The following CFAP221 variants were observed in gnomAD, a reference collection of about 807,000 sequenced individuals.
CFAP221 encodes cilia and flagella associated protein 221.
In CFAP221, 97 loss-of-function variants were observed where a neutral mutation model predicts 113.1. The ratio of observed to expected loss-of-function variants is 0.86; its 90% confidence interval spans 0.73 to 1.02. The LOEUF (loss-of-function observed/expected upper bound fraction) is 1.02. CFAP221 is among the 50% of genes least tolerant of loss of function. CFAP221 has a pLI of 0.00. For synonymous variants in CFAP221, 331 were observed against 354.4 expected (o/e 0.93, Z 0.74); for missense variants, 1,025 against 1,013.4 (o/e 1.01, Z -0.16).
chr2:119,649,030 G>A (rs1687975059), intron 22 of CFAP221, among the ~76,000 whole-genome samples: 1 of 152,220 alleles, frequency 6.6e-6, no homozygotes, highest in South Asian at 2.1e-4. Flanking sequence ...GTGAGTGAAG[G>A]AAGTGTTCTG....
chr2:119,562,030 T>G lies in CFAP221; in HGVS notation c.443T>G (p.Leu148Arg), dbSNP rs1681278152. The change falls in exon 6 of 24, where the codon CTT (leucine) becomes CGT (arginine). Residue 148 changes from leucine (L) to arginine (R), a missense_variant. Transcript: ENST00000413369. ...TAATTTTAGGGAGATGACACTTTGC[T>G]TGTTCCTATTCATGCCTATCCAGTC... ...RVHCKGDDTLLVPIHAYPVMN... is the reference protein window; with the variant it reads ...RVHCKGDDTLRVPIHAYPVMN... The G allele has an allele frequency of 2.6e-6, 4 of 1,534,470 alleles. No homozygotes were observed. In the South Asian group the frequency reaches 3.6e-5, roughly 14 times the overall value.
In CFAP221 at chr2:119,638,311, C is replaced by T. The variant is rs780710808; in HGVS notation, c.2027C>T (p.Thr676Met). Residue 676 changes from threonine to methionine, a missense_variant, in exon 20 of 24, where the codon ACG becomes ATG. Thr to Met is a moderately conservative substitution (Grantham distance 81). Coordinates refer to ENST00000413369, the MANE Select transcript of CFAP221 (RefSeq NM_001271049.2). The stretch of plus-strand genomic sequence containing the variant: ...ATGCATCCTCTGACCTATGCAGAAA[C>T]GTTGATAGATTACCATCTATGCTCT... ...AVMHPLTYAE[T>M]LIDYHLCSHP... The T allele has an allele frequency of 8.7e-6, 14 of 1,613,914 alleles. No individual in the cohort carries two copies. Among genetic ancestry groups the T allele is most frequent in the Admixed American group, 5.0e-5 (3 of 59,996 alleles).
chr2:119,565,749 C>T (rs897819182), intron 6 of CFAP221, among the ~76,000 whole-genome samples: 16 of 152,180 alleles, frequency 1.1e-4, no homozygotes, highest in Admixed American at 4.6e-4. Flanking sequence ...ATACCCTTAA[C>T]GTAATGGCTT....
At chr2:119,551,098 T>A (rs1457722784) in intron 3 of CFAP221, among the ~76,000 whole-genome samples, 2 of 152,386 alleles carry the variant, frequency 1.3e-5, no homozygotes, top group East Asian at 3.9e-4. Flanking sequence ...TCCCCTTTTA[T>A]GGCTGAACAG....
chr2:119,616,547 C>T (rs1280558143), intron 14 of CFAP221, among the ~76,000 whole-genome samples: 1 of 152,202 alleles, frequency 6.6e-6, no homozygotes, highest in Non-Finnish European at 1.5e-5. Context: ...CCAGTGGCTT[C>T]CTGTTATCAG....
intron 12 of CFAP221, among the ~76,000 whole-genome samples, chr2:119,611,099 G>C (rs1306344491): frequency 6.6e-6 from 1 of 152,122 alleles, no homozygotes; most frequent in African/African-American, 2.4e-5. Context: ...CCACCCAGGA[G>C]AAGGAAGGAA....
intron 23 of CFAP221, 44 bp downstream of exon 23, chr2:119,652,113 G>A (rs1461562461): frequency 2.6e-6 from 4 of 1,511,856 alleles, no homozygotes; most frequent in Non-Finnish European, 3.7e-6. Context: ...AATCTTGGAT[G>A]AAATTTGTTC....
At chr2:119,586,582 T>C (rs533264553) in intron 6 of CFAP221, 13 of 152,434 alleles carry the variant, frequency 8.5e-5, no homozygotes, top group East Asian at 7.7e-4. Context: ...CTTATTTCAA[T>C]CAAACACAGC....
At chr2:119,639,980 A>G (rs1334469399) in intron 21 of CFAP221, 108 bp downstream of exon 21, 41 of 924,464 alleles carry the variant, frequency 4.4e-5, no homozygotes, top group Non-Finnish European at 6.3e-5. Context: ...ATACTTTTAA[A>G]GCATGAGAGA....
intron 6 of CFAP221, among the ~76,000 whole-genome samples, chr2:119,571,875 A>T (rs1050658558): frequency 6.6e-6 from 1 of 152,248 alleles, no homozygotes; most frequent in African/African-American, 2.4e-5. Context: ...TCCCTTTCAC[A>T]TAGAATCAAT....
At chr2:119,617,831 A>G (rs1685631053) in intron 14 of CFAP221, among the ~76,000 whole-genome samples, 1 of 152,118 alleles carries the variant, frequency 6.6e-6, no homozygotes, top group Admixed American at 6.5e-5. Context: ...AAAATACACA[A>G]TTTTTATCAA....
At chr2:119,573,513 A>T (rs1226733385) in intron 6 of CFAP221, 1 of 152,188 alleles carries the variant, frequency 6.6e-6, no homozygotes. Flanking sequence ...CTTTTATTGC[A>T]AATTGATATT....
In CFAP221 at chr2:119,625,699, G is replaced by T. The variant is rs567154872; in HGVS notation, c.1516+11G>T. On this transcript the variant is annotated intron_variant, in intron 15 of 23. Coordinates refer to ENST00000413369, the MANE Select transcript of CFAP221 (RefSeq NM_001271049.2). Reference sequence around the variant, plus strand: ...AATCGATAGCACAAGGTGAAGTATGGCTGCAAAGCACAGAGATGCCGAGAC... The same window carrying T: ...AATCGATAGCACAAGGTGAAGTATGTCTGCAAAGCACAGAGATGCCGAGAC... 5.0e-6 allele frequency: 8 copies of T among 1,584,892 alleles called. No homozygotes were observed. The South Asian group carries it at 8.8e-5, about 18-fold the overall frequency.
intron 7 of CFAP221, among the ~76,000 whole-genome samples, chr2:119,587,891 G>C (rs1320146959): frequency 1.3e-5 from 2 of 152,214 alleles, no homozygotes; most frequent in Admixed American, 6.5e-5. Context: ...TCCAACAAAT[G>C]AGTGTTTAAA....
At chr2:119,550,109 G>C (rs942132328) in intron 3 of CFAP221, among the ~76,000 whole-genome samples, 5 of 152,172 alleles carry the variant, frequency 3.3e-5, no homozygotes, top group African/African-American at 1.2e-4. Flanking sequence ...TTGGGGAGGG[G>C]CGGAGGTGGG....
intron 6 of CFAP221, among the ~76,000 whole-genome samples, chr2:119,572,246 A>G (rs1682112071): frequency 6.6e-6 from 1 of 152,206 alleles, no homozygotes; most frequent in Non-Finnish European, 1.5e-5. Flanking sequence ...GTTGCATTCC[A>G]GTTTCTGTCC....
In CFAP221 at chr2:119,604,657, T is replaced by G; in HGVS notation, c.792-15T>G. 1 of 1,530,494 alleles carries G rather than the reference T, an allele frequency of 6.5e-7. No homozygotes were observed. The highest frequency in any genetic ancestry group is 1.4e-5 in the African/African-American group (1 of 71,220). 94.8% of individuals were successfully genotyped at this position (1,530,494 alleles called of 1,614,324 possible). On this transcript the variant is annotated splice_polypyrimidine_tract_variant and intron_variant, in intron 8 of 23. Transcript: ENST00000413369. Reference sequence around the variant, plus strand: ...ATGGCTTATTTACTAATTTAACACTTGTTTTAACCTATAGATTAGAAGAGT... The same window carrying G: ...ATGGCTTATTTACTAATTTAACACTGGTTTTAACCTATAGATTAGAAGAGT...
intron 7 of CFAP221, among the ~76,000 whole-genome samples, chr2:119,593,580 C>T (rs767097683): frequency 1.3e-5 from 2 of 152,188 alleles, no homozygotes; most frequent in Non-Finnish European, 2.9e-5. Context: ...TGGCTTACGC[C>T]TGTAATCCCA....
At chr2:119,571,791 G>A (rs1163925800) in intron 6 of CFAP221, among the ~76,000 whole-genome samples, 1 of 152,210 alleles carries the variant, frequency 6.6e-6, no homozygotes, top group Non-Finnish European at 1.5e-5. Context: ...AAGAAATACT[G>A]TACATGATGA....
Sources: allele counts gnomAD v4.1 joint callset (sites outside exome capture counted in the v4.1 genomes callset), GRCh38; gene constraint gnomAD v4.1.1; transcripts MANE v1.5; gene names NCBI Gene and HGNC (gene_info 2026-07-23, HGNC 2026-07-21).